MBD5: variants seen among roughly 807,000 people sequenced by gnomAD.
MBD5 encodes the protein methyl-CpG-binding domain protein 5.
A neutral mutation model predicts 117.3 loss-of-function variants in MBD5; 13 were observed. The ratio of observed to expected loss-of-function variants is 0.11; its 90% CI spans 0.07 to 0.18. The LOEUF (loss-of-function observed/expected upper bound fraction) is 0.18. Among genes scored for constraint, MBD5 ranks in the 10% least tolerant of loss-of-function variants. MBD5 has a pLI of 1.00. For missense variants in MBD5, 1,879 were observed against 2,093.8 expected (o/e 0.90, Z 2.00); for synonymous variants, 727 against 766.4 (o/e 0.95, Z 0.85).
At chr2:148,048,787 T>G (rs1694613245) in intron 1 of MBD5, among the ~76,000 whole-genome samples, 1 of 151,910 alleles carries the variant, frequency 6.6e-6, no homozygotes, top group South Asian at 2.1e-4. Flanking sequence ...GGTTGAAAAG[T>G]CCCCCAGAAG....
At chr2:148,241,932 A>G (rs114581685) in intron 3 of MBD5, among the ~76,000 whole-genome samples, 1 of 152,268 alleles carries the variant, frequency 6.6e-6, no homozygotes, top group African/African-American at 2.4e-5. Flanking sequence ...TAAGTTATTG[A>G]TTAATTACTT....
intron 3 of MBD5, among the ~76,000 whole-genome samples, chr2:148,275,442 G>A (rs1289920558): frequency 6.6e-6 from 1 of 152,110 alleles, no homozygotes; most frequent in African/African-American, 2.4e-5. Context: ...CGGGAGTGTG[G>A]GGTGGGCAAG....
chr2:148,210,709 T>TA (rs1362077670), intron 2 of MBD5, among the ~76,000 whole-genome samples: 2 of 152,038 alleles, frequency 1.3e-5, no homozygotes, highest in Admixed American at 1.3e-4. Context: ...ACACAAATTA[T>TA]AAAAAATAAC....
At chr2:148,213,943 A>G (rs16828440) in intron 2 of MBD5, among the ~76,000 whole-genome samples, 3,035 of 152,316 alleles carry the variant, frequency 0.02, 118 homozygotes, top group African/African-American at 0.068. Flanking sequence ...AAAAAATACC[A>G]TGATGTCTAG....
chr2:148,032,352 A>C (rs1694062493), intron 1 of MBD5, among the ~76,000 whole-genome samples: 1 of 152,164 alleles, frequency 6.6e-6, no homozygotes, highest in Non-Finnish European at 1.5e-5. Context: ...GAGGTACGTA[A>C]TATGAGGGCT....
At chr2:148,234,264 T>C (rs1700047820) in intron 3 of MBD5, among the ~76,000 whole-genome samples, 1 of 152,150 alleles carries the variant, frequency 6.6e-6, no homozygotes, top group African/African-American at 2.4e-5. Flanking sequence ...ATATATATGC[T>C]TAGAATTTTT....
chr2:148,058,479 A>T (rs1044986891), intron 1 of MBD5, among the ~76,000 whole-genome samples: 2 of 151,960 alleles, frequency 1.3e-5, no homozygotes, highest in African/African-American at 4.8e-5. Flanking sequence ...AACATGCCCT[A>T]ATAGGTGAAT....
Position 148,377,442 on chromosome 2 carries a change from G to A in MBD5, c.-557+35106G>A, listed in dbSNP as rs551351420. On this transcript the variant is annotated intron_variant, in intron 4 of 13. Coordinates refer to ENST00000642680, the MANE Select transcript of MBD5 (RefSeq NM_001378120.1). ...TTGCATCCTTCAATCCAATCAAGTT[G>A]ACACTCAGTATTAACCATCACAGGT... Among the ~76,000 whole-genome samples the A allele has an allele frequency of 2.0e-5, 3 of 152,208 alleles. No homozygotes were observed. In the South Asian group the frequency reaches 6.2e-4, roughly 32 times the overall value.
At chr2:148,354,726 C>T (rs1164133972) in intron 4 of MBD5, among the ~76,000 whole-genome samples, 1 of 152,206 alleles carries the variant, frequency 6.6e-6, no homozygotes, top group African/African-American at 2.4e-5. Flanking sequence ...ATTTACACTC[C>T]CACCAACATG....
At chr2:148,418,991 T>C (rs1705512010) in intron 4 of MBD5, among the ~76,000 whole-genome samples, 1 of 152,156 alleles carries the variant, frequency 6.6e-6, no homozygotes, top group South Asian at 2.1e-4. Context: ...TATACAAGGC[T>C]ATAGTAACCA....
chr2:148,132,921 C>T (rs1384687452), intron 1 of MBD5, among the ~76,000 whole-genome samples: 3 of 152,088 alleles, frequency 2.0e-5, no homozygotes, highest in African/African-American at 7.2e-5. Flanking sequence ...TATTAATTTA[C>T]ATAAAATGCA....
rs200077401 is a variant in MBD5, at chr2:148,168,978, A to AATATAT, written c.-924-9711_-924-9706dup. On this transcript the variant is annotated intron_variant, in intron 1 of 13. Coordinates refer to ENST00000642680, the MANE Select transcript of MBD5 (RefSeq NM_001378120.1). ...GTATATATAGGATATATATACGTAT[A>AATATAT]ATATATATATATATATTCCAAAAGT... 1.1e-4 allele frequency among the ~76,000 whole-genome samples: 16 copies of AATATAT among 147,420 alleles called. No individual in the cohort carries two copies. The South Asian group carries it at 3.2e-3, about 29-fold the overall frequency.
intron 1 of MBD5, among the ~76,000 whole-genome samples, chr2:148,107,385 A>G (rs1169480840): frequency 6.6e-6 from 1 of 151,674 alleles, no homozygotes; most frequent in Non-Finnish European, 1.5e-5. Flanking sequence ...GTTGGGATTC[A>G]TTGGGTTTCT....
Position 148,021,409 on chromosome 2 carries a change from A to G in MBD5, c.-1200A>G. 1 of 499,234 alleles carries G rather than the reference A, an allele frequency of 2.0e-6. No homozygotes were observed. Among genetic ancestry groups the G allele is most frequent in the Non-Finnish European group, 3.9e-6 (1 of 253,900 alleles). 30.9% of individuals were successfully genotyped at this position (499,234 alleles called of 1,614,324 possible). The stretch of plus-strand genomic sequence containing the variant: ...CCTCCTCCTCTTTGGCCGTGAGAGG[A>G]GGAGAGAAAGAAACCAAAAGCCTCT... On this transcript the variant is annotated 5_prime_UTR_variant, in exon 1 of 14. Transcript: ENST00000642680.
At chr2:148,294,074 A>G (rs1701569553) in intron 3 of MBD5, among the ~76,000 whole-genome samples, 1 of 152,146 alleles carries the variant, frequency 6.6e-6, no homozygotes, top group Non-Finnish European at 1.5e-5. Context: ...TTCTTGAAGA[A>G]GTTTCTTTAG....
At chr2:148,470,580 T>G in intron 8 of MBD5, 119 bp downstream of exon 8, 1 of 803,504 alleles carries the variant, frequency 1.2e-6, no homozygotes, top group Non-Finnish European at 1.9e-6. Context: ...TGAAATTCTC[T>G]TCATTTCTTT....
Position 148,490,167 on chromosome 2 carries a change from G to A in MBD5, c.4535G>A (p.Arg1512Lys). Residue 1512 changes from arginine (R) to lysine (K), a missense_variant, in exon 11 of 14, where the codon AGA becomes AAA. This residue lies in a region of MBD5 where 1,666 missense variants were observed against 1,792.2 expected (regional missense o/e 0.93). Coordinates refer to ENST00000642680, the MANE Select transcript of MBD5 (RefSeq NM_001378120.1). ...AGAACTATGATGAGTTTTAAGGAGA[G>A]ACTAGAGAACACTGTGGAAAGATGT... ...YKRTMMSFKERLENTVERCAH... is the reference protein window; with the variant it reads ...YKRTMMSFKEKLENTVERCAH... 6.2e-7 allele frequency: 1 copy of A among 1,614,064 alleles called. No individual in the cohort carries two copies.
At chr2:148,212,085 T>C (rs1157862762) in intron 2 of MBD5, among the ~76,000 whole-genome samples, 3 of 152,156 alleles carry the variant, frequency 2.0e-5, no homozygotes, top group Admixed American at 2.0e-4. Flanking sequence ...ACAGCTTTAT[T>C]GAGATATAAT....
At chr2:148,100,057 C>T (rs1286727827) in intron 1 of MBD5, among the ~76,000 whole-genome samples, 2 of 152,140 alleles carry the variant, frequency 1.3e-5, no homozygotes, top group Non-Finnish European at 2.9e-5. Context: ...ATAGACAGGG[C>T]ACCCAAATCC....
Sources: gnomAD v4.1 joint callset for allele counts (sites outside exome capture counted in the v4.1 genomes callset) on GRCh38, gnomAD v4.1.1 for gene constraint, gnomAD v4.1.1 regional missense constraint, MANE v1.5 for transcripts, NCBI Gene and HGNC (gene_info 2026-07-23, HGNC 2026-07-21) for gene names.